The following GPC5 variants were observed in gnomAD, a reference collection of about 807,000 sequenced individuals.
GPC5 encodes the protein glypican 5.
In GPC5, 47 loss-of-function variants were observed where a neutral mutation model predicts 53.9. That is an observed-to-expected ratio of 0.87 (90% CI 0.69 to 1.11). GPC5 has a LOEUF of 1.11. Among genes scored for constraint, GPC5 ranks in the 50% most tolerant of loss-of-function variants. The pLI, the probability that GPC5 is intolerant of heterozygous loss-of-function variation, is 0.00. For missense variants in GPC5, 748 were observed against 713.1 expected (o/e 1.05, Z -0.56); for synonymous variants, 286 against 263.3 (o/e 1.09, Z -0.84).
chr13:91,598,429 G>A (rs1251457498), intron 2 of GPC5, among the ~76,000 whole-genome samples: 2 of 152,012 alleles, frequency 1.3e-5, no homozygotes, highest in Non-Finnish European at 2.9e-5. Context: ...CACAGGGAGT[G>A]CAGAAAATGA....
In GPC5 at chr13:92,740,960, G is replaced by GTGTGTGTATATATATATATATATATA. The variant is rs35795926; in HGVS notation, c.1562-125321_1562-125320insGTGTGTATATATATATATATATATAT. On this transcript the variant is annotated intron_variant, in intron 7 of 7. Transcript: ENST00000377067. ...TGTATGTGTGTATATATATGTATGTGTATATATATATCCTGCTGTAGCATA... is the reference window on the plus strand; with the variant it reads ...TGTATGTGTGTATATATATGTATGTGTGTGTGTATATATATATATATATATATATATATATATCCTGCTGTAGCATA... Among the ~76,000 whole-genome samples, 18 of 117,698 alleles carry GTGTGTGTATATATATATATATATATA rather than the reference G, an allele frequency of 1.5e-4. 1 individual carries two copies. The highest frequency in any genetic ancestry group is 2.8e-4 in the Non-Finnish European group (15 of 53,538). The allele number at this position is 117,698 out of a possible 152,430, so 77.2% of individuals were successfully genotyped here. A position where few individuals can be genotyped will look rare whatever the true frequency, so the allele number is the denominator to read the frequency against.
At chr13:91,692,117 T>C (rs2035769670) in intron 2 of GPC5, among the ~76,000 whole-genome samples, 1 of 152,196 alleles carries the variant, frequency 6.6e-6, no homozygotes, top group Admixed American at 6.5e-5. Flanking sequence ...TAAATTATTC[T>C]TGGTTCTTTT....
At chr13:92,000,882 G>A (rs1307770228) in intron 6 of GPC5, among the ~76,000 whole-genome samples, 1 of 152,176 alleles carries the variant, frequency 6.6e-6, no homozygotes, top group Non-Finnish European at 1.5e-5. Context: ...TTTCAGAAGG[G>A]TTCCAGGCTA....
At chr13:91,963,635 A>C (rs1275501689) in intron 6 of GPC5, among the ~76,000 whole-genome samples, 3 of 152,168 alleles carry the variant, frequency 2.0e-5, no homozygotes, top group Non-Finnish European at 4.4e-5. Flanking sequence ...CTTAATGTAC[A>C]AAATGCACAG....
chr13:91,741,930 G>A (rs1400133316), intron 4 of GPC5, among the ~76,000 whole-genome samples: 1 of 152,096 alleles, frequency 6.6e-6, no homozygotes, highest in Non-Finnish European at 1.5e-5. Flanking sequence ...AAGTTAGTGC[G>A]TCTTTGAGGT....
chr13:91,633,273 A>G (rs2034205271), intron 2 of GPC5, among the ~76,000 whole-genome samples: 1 of 152,100 alleles, frequency 6.6e-6, no homozygotes, highest in African/African-American at 2.4e-5. Context: ...TCCTCTGGAC[A>G]TCTGACATAG....
chr13:92,136,091 G>A (rs917181936), intron 6 of GPC5, among the ~76,000 whole-genome samples: 19 of 151,908 alleles, frequency 1.3e-4, no homozygotes, highest in African/African-American at 4.6e-4. Flanking sequence ...TTGGGGATTG[G>A]GGAAAGGGAA....
At chr13:91,720,268 C>G (rs2036435228) in intron 3 of GPC5, among the ~76,000 whole-genome samples, 1 of 152,116 alleles carries the variant, frequency 6.6e-6, no homozygotes, top group African/African-American at 2.4e-5. Flanking sequence ...GCTTTCTTAC[C>G]TGACTCTGTG....
chr13:91,794,106 G>T, intron 5 of GPC5, among the ~76,000 whole-genome samples: 1 of 152,092 alleles, frequency 6.6e-6, no homozygotes, highest in East Asian at 1.9e-4. Context: ...ATGTAATAAT[G>T]CCTCAGCATT....
intron 7 of GPC5, among the ~76,000 whole-genome samples, chr13:92,437,892 A>C (rs1877378708): frequency 6.6e-6 from 1 of 152,080 alleles, no homozygotes; most frequent in South Asian, 2.1e-4. Flanking sequence ...CCTCTACAAT[A>C]AGCTAGAGAA....
chr13:92,343,235 G>T (rs540665996), intron 7 of GPC5, among the ~76,000 whole-genome samples: 3 of 152,234 alleles, frequency 2.0e-5, no homozygotes, highest in African/African-American at 7.2e-5. Flanking sequence ...ATACTTCACC[G>T]TCAGTTAGAT....
chr13:92,800,399 A>G lies in GPC5; in HGVS notation c.1562-65883A>G, dbSNP rs1388430615. On this transcript the variant is annotated intron_variant, in intron 7 of 7. Transcript: ENST00000377067. The stretch of plus-strand genomic sequence containing the variant: ...TTTGCTCAAGTCAAACCCTAACTAC[A>G]CTGCATTTAAGATGTTTATTTGTGA... 4.0e-4 allele frequency among the ~76,000 whole-genome samples: 60 copies of G among 151,762 alleles called. 1 individual carries two copies. Among genetic ancestry groups the G allele is most frequent in the Admixed American group, 1.3e-4 (2 of 15,188 alleles).
intron 6 of GPC5, among the ~76,000 whole-genome samples, chr13:92,079,325 CA>C (rs1433785733): frequency 6.6e-6 from 1 of 152,210 alleles, no homozygotes; most frequent in African/African-American, 2.4e-5. Flanking sequence ...CTTGTGATTA[CA>C]GGCGTAAGCC....
At chr13:92,543,074 C>A (rs1881980694) in intron 7 of GPC5, among the ~76,000 whole-genome samples, 1 of 151,980 alleles carries the variant, frequency 6.6e-6, no homozygotes, top group Non-Finnish European at 1.5e-5. Flanking sequence ...GTGTTGCATG[C>A]CTTTTCTCAC....
intron 7 of GPC5, among the ~76,000 whole-genome samples, chr13:92,341,857 G>A (rs576335962): frequency 4.6e-5 from 7 of 152,186 alleles, no homozygotes; most frequent in African/African-American, 1.7e-4. Context: ...TATCGAGGGG[G>A]AAATCTTTAC....
At chr13:92,100,352 A>G (rs1056075803) in intron 6 of GPC5, among the ~76,000 whole-genome samples, 3 of 152,182 alleles carry the variant, frequency 2.0e-5, no homozygotes, top group African/African-American at 7.2e-5. Context: ...CCGTGAGCCG[A>G]GATCACAGCA....
intron 7 of GPC5, among the ~76,000 whole-genome samples, chr13:92,162,211 T>A (rs73620896): frequency 0.05 from 7,537 of 151,892 alleles, 453 homozygotes; most frequent in African/African-American, 0.14. Flanking sequence ...TAGAGTCACT[T>A]ACAGCTTCTT....
chr13:91,775,008 A>G (rs2037687453), intron 5 of GPC5, among the ~76,000 whole-genome samples: 1 of 152,130 alleles, frequency 6.6e-6, no homozygotes, highest in South Asian at 2.1e-4. Flanking sequence ...AGCTAGGTGA[A>G]ATGGGTAAGA....
At chr13:92,332,909 C>A (rs1461432968) in intron 7 of GPC5, among the ~76,000 whole-genome samples, 3 of 152,090 alleles carry the variant, frequency 2.0e-5, no homozygotes, top group Non-Finnish European at 4.4e-5. Context: ...TCTGTTCTAA[C>A]AACAGCAAAA....
Sources: allele counts gnomAD v4.1 joint callset (sites outside exome capture counted in the v4.1 genomes callset), GRCh38; gene constraint gnomAD v4.1.1; transcripts MANE v1.5; gene names NCBI Gene and HGNC (gene_info 2026-07-23, HGNC 2026-07-21).